The following PLPPR1 variants were observed in gnomAD, a reference collection of about 807,000 sequenced individuals.
The protein encoded by PLPPR1 is phospholipid phosphatase-related protein type 1.
A neutral mutation model predicts 33.1 loss-of-function variants in PLPPR1; 10 were observed. The observed-to-expected ratio is 0.30, with a 90% confidence interval of 0.19 to 0.51. The LOEUF is 0.51. Ranked by LOEUF, PLPPR1 falls within the 20% of genes least tolerant of loss-of-function variation. The pLI, the probability that PLPPR1 is intolerant of heterozygous loss-of-function variation, is 0.97. For missense variants in PLPPR1, 304 were observed against 408.1 expected (o/e 0.74, Z 2.20); for synonymous variants, 151 against 151.0 (o/e 1.00, Z 0.00).
intron 2 of PLPPR1, among the ~76,000 whole-genome samples, chr9:101,266,568 C>G (rs1197755308): frequency 6.6e-6 from 1 of 152,154 alleles, no homozygotes; most frequent in African/African-American, 2.4e-5. Context: ...CACTACCACC[C>G]TTTGGGTCTC....
chr9:101,157,918 C>T (rs1485478987), intron 1 of PLPPR1, among the ~76,000 whole-genome samples: 1 of 152,114 alleles, frequency 6.6e-6, no homozygotes, highest in Non-Finnish European at 1.5e-5. Flanking sequence ...GCACAAGAAT[C>T]ACTTGAACCT....
intron 4 of PLPPR1, among the ~76,000 whole-genome samples, chr9:101,300,168 G>A (rs943469595): frequency 6.6e-6 from 1 of 151,974 alleles, no homozygotes; most frequent in African/African-American, 2.4e-5. Context: ...TGTTTTGGAA[G>A]CAACTTACTT....
intron 1 of PLPPR1, among the ~76,000 whole-genome samples, chr9:101,114,379 CT>C (rs548414439): frequency 5.4e-4 from 82 of 152,280 alleles, no homozygotes; most frequent in Non-Finnish European, 1.0e-3. Context: ...AGATAGCACA[CT>C]TGTATTTGTC....
At chr9:101,191,748 TTC>T in intron 2 of PLPPR1, among the ~76,000 whole-genome samples, 1 of 152,326 alleles carries the variant, frequency 6.6e-6, no homozygotes, top group South Asian at 2.1e-4. Flanking sequence ...TTTTACCGTG[TTC>T]TCTATGAAAC....
chr9:101,309,237 A>G lies in PLPPR1; in HGVS notation c.412A>G (p.Thr138Ala). 1 of 1,614,116 alleles carries G rather than the reference A, an allele frequency of 6.2e-7. No individual in the cohort carries two copies. The highest frequency in any genetic ancestry group is 8.5e-7 in the Non-Finnish European group (1 of 1,179,998). The change falls in exon 5 of 8, where the codon ACT becomes GCT. Residue 138 changes from threonine (T) to alanine (A), a missense_variant. Physicochemically the swap from Thr to Ala is moderately conservative, Grantham distance 58. Transcript: ENST00000374874. Reference sequence around the variant, plus strand: ...GGTGTTTGCATTTGGACTTTTTGCTACTGACATTTTTGTAAACGCCGGACA... The same window carrying G: ...GGTGTTTGCATTTGGACTTTTTGCTGCTGACATTTTTGTAAACGCCGGACA... ...TGVFAFGLFATDIFVNAGQVV... is the reference protein window; with the variant it reads ...TGVFAFGLFAADIFVNAGQVV...
At chr9:101,187,598 A>G (rs1826226261) in intron 2 of PLPPR1, 1 of 151,922 alleles carries the variant, frequency 6.6e-6, no homozygotes. Flanking sequence ...GTGAATCTCA[A>G]AGTGGCTCTC....
At chr9:101,277,711 A>T (rs1040092155) in intron 3 of PLPPR1, among the ~76,000 whole-genome samples, 9 of 152,202 alleles carry the variant, frequency 5.9e-5, no homozygotes, top group Non-Finnish European at 1.3e-4. Context: ...GTCCAAAATT[A>T]AACACCTGGT....
At chr9:101,056,659 A>G (rs900175429) in intron 1 of PLPPR1, among the ~76,000 whole-genome samples, 1 of 152,190 alleles carries the variant, frequency 6.6e-6, no homozygotes, top group South Asian at 2.1e-4. Flanking sequence ...ATATAGCCTG[A>G]GTAGGGCAAA....
intron 1 of PLPPR1, among the ~76,000 whole-genome samples, chr9:101,041,956 C>G (rs73508750): frequency 1.3e-3 from 200 of 152,140 alleles, no homozygotes; most frequent in African/African-American, 4.7e-3. Context: ...ATATGATGGC[C>G]TAGACTCTTA....
intron 2 of PLPPR1, among the ~76,000 whole-genome samples, chr9:101,186,494 ATG>A (rs1564169861): frequency 6.6e-6 from 1 of 151,816 alleles, no homozygotes; most frequent in African/African-American, 2.4e-5. Context: ...TGTGGGAGAA[ATG>A]TGTGTTGATC....
intron 2 of PLPPR1, among the ~76,000 whole-genome samples, chr9:101,226,793 T>C (rs1271373539): frequency 1.3e-5 from 2 of 152,072 alleles, no homozygotes; most frequent in African/African-American, 4.8e-5. Flanking sequence ...TATACTGGTA[T>C]ACCTGAAGGG....
intron 3 of PLPPR1, among the ~76,000 whole-genome samples, chr9:101,272,010 T>C (rs1301731102): frequency 6.6e-6 from 1 of 151,756 alleles, no homozygotes; most frequent in Non-Finnish European, 1.5e-5. Context: ...TAATAGAAAG[T>C]CAGACATACA....
intron 1 of PLPPR1, among the ~76,000 whole-genome samples, chr9:101,100,884 T>C (rs534483580): frequency 1.3e-5 from 2 of 152,258 alleles, no homozygotes; most frequent in South Asian, 2.1e-4. Context: ...TAATGCAAAG[T>C]AATTCACCCA....
At chr9:101,230,928 G>A (rs544808497) in intron 2 of PLPPR1, among the ~76,000 whole-genome samples, 1 of 149,798 alleles carries the variant, frequency 6.7e-6, no homozygotes, top group South Asian at 2.1e-4. Context: ...TCTCTGCCTT[G>A]TAGTGTTTAA....
At chr9:101,300,379 A>G (rs1213668628) in intron 4 of PLPPR1, among the ~76,000 whole-genome samples, 12 of 152,144 alleles carry the variant, frequency 7.9e-5, no homozygotes, top group African/African-American at 2.2e-4. Context: ...GGGTCTCCCT[A>G]TGTTGCCGAG....
chr9:101,178,036 A>G (rs1826042963), intron 1 of PLPPR1, among the ~76,000 whole-genome samples: 1 of 152,232 alleles, frequency 6.6e-6, no homozygotes, highest in Non-Finnish European at 1.5e-5. Context: ...GAGGGACCTG[A>G]GTGGCCAAAC....
chr9:101,054,591 C>T (rs900053207), intron 1 of PLPPR1, among the ~76,000 whole-genome samples: 1 of 152,152 alleles, frequency 6.6e-6, no homozygotes, highest in African/African-American at 2.4e-5. Flanking sequence ...AGGATTTGTT[C>T]TTCACAAAGA....
chr9:101,084,675 T>G (rs1209384298), intron 1 of PLPPR1, among the ~76,000 whole-genome samples: 1 of 152,212 alleles, frequency 6.6e-6, no homozygotes, highest in Non-Finnish European at 1.5e-5. Flanking sequence ...GTTCAATTTT[T>G]GATTCAAGGA....
chr9:101,044,833 T>C (rs1180912652), intron 1 of PLPPR1, among the ~76,000 whole-genome samples: 1 of 152,180 alleles, frequency 6.6e-6, no homozygotes, highest in Admixed American at 6.5e-5. Context: ...TGAGTACACG[T>C]GTGGCATTCA....
Sources: gnomAD v4.1 joint callset for allele counts (sites outside exome capture counted in the v4.1 genomes callset) on GRCh38, gnomAD v4.1.1 for gene constraint, MANE v1.5 for transcripts, NCBI Gene and HGNC (gene_info 2026-07-23, HGNC 2026-07-21) for gene names.